The following ZFYVE9 variants were observed in gnomAD, a reference collection of about 807,000 sequenced individuals.
ZFYVE9 encodes zinc finger FYVE domain-containing protein 9.
A neutral mutation model predicts 126.7 loss-of-function variants in ZFYVE9; 43 were observed. That is an observed-to-expected ratio of 0.34 (90% CI 0.27 to 0.44). The LOEUF is 0.44. ZFYVE9 is among the 20% of genes least tolerant of loss of function. The pLI is 1.00. For synonymous variants in ZFYVE9, 521 were observed against 597.4 expected, an observed-to-expected ratio of 0.87 and a Z score of 1.87; for missense variants, 1,476 against 1,697.0, an observed-to-expected ratio of 0.87 and a Z score of 2.29.
intron 1 of ZFYVE9, among the ~76,000 whole-genome samples, chr1:52,168,959 A>G (rs1432928479): frequency 2.6e-5 from 4 of 151,930 alleles, no homozygotes; most frequent in Non-Finnish European, 4.4e-5. Context: ...CTTTCCTATC[A>G]TCTGCTACTC....
intron 2 of ZFYVE9, among the ~76,000 whole-genome samples, chr1:52,230,407 A>G (rs1255898172): frequency 6.6e-6 from 1 of 151,900 alleles, no homozygotes. Context: ...AACACACACC[A>G]GGGCCTGTTG....
rs1645294967 is a variant in ZFYVE9 at position 52,238,213 on chromosome 1, G to T, written c.796G>T (p.Val266Phe). 2 of 1,613,974 alleles carry T rather than the reference G, an allele frequency of 1.2e-6. No homozygotes were observed. Among genetic ancestry groups the T allele is most frequent in the Admixed American group, 1.7e-5 (1 of 60,002 alleles). Residue 266 changes from valine to phenylalanine, a missense_variant, in exon 4 of 19, where the codon GTT becomes TTT. Physicochemically the swap from Val to Phe is conservative, Grantham distance 50. Coordinates refer to ENST00000287727, the MANE Select transcript of ZFYVE9 (RefSeq NM_004799.4). ...CATGTCTGCGATTACAAGTTTAACG[G>T]TTGATTCAGTAATCTCATCCCAGGG... ...PSMSAITSLT[V>F]DSVISSQGTD...
At chr1:52,203,194 T>G (rs1413408699) in intron 1 of ZFYVE9, among the ~76,000 whole-genome samples, 1 of 152,010 alleles carries the variant, frequency 6.6e-6, no homozygotes, top group Non-Finnish European at 1.5e-5. Context: ...TTTGTTTTGT[T>G]TTTTTAAGAC....
intron 2 of ZFYVE9, among the ~76,000 whole-genome samples, chr1:52,225,317 A>T (rs567176392): frequency 6.6e-6 from 1 of 152,328 alleles, no homozygotes; most frequent in East Asian, 1.9e-4. Context: ...CCCATGAAAG[A>T]TAATCACTAG....
chr1:52,163,126 TA>T, intron 1 of ZFYVE9: 2 of 220,136 alleles, frequency 9.1e-6, no homozygotes, highest in Non-Finnish European at 1.6e-5. Flanking sequence ...AAAATAGCCT[TA>T]AAAAAATTCA....
At chr1:52,205,067 ATTTTTTTTTTTT>A (rs891218048) in intron 1 of ZFYVE9, among the ~76,000 whole-genome samples, 5 of 117,788 alleles carry the variant, frequency 4.2e-5, no homozygotes, top group Non-Finnish European at 8.6e-5. Context: ...TGTGCTGTGA[ATTTTTTTTTTTT>A]TTTTTTTTTT....
At chr1:52,246,228 C>A (rs1199619654) in intron 4 of ZFYVE9, among the ~76,000 whole-genome samples, 2 of 152,100 alleles carry the variant, frequency 1.3e-5, no homozygotes, top group African/African-American at 4.8e-5. Flanking sequence ...CCATGCCTGG[C>A]CTTTATGCCG....
chr1:52,303,520 A>G (rs938672692), intron 12 of ZFYVE9, among the ~76,000 whole-genome samples: 3 of 152,228 alleles, frequency 2.0e-5, no homozygotes, highest in Admixed American at 6.5e-5. Context: ...GGGAGGAGAC[A>G]GATAGTTAAC....
chr1:52,190,913 T>A (rs575753156), intron 1 of ZFYVE9, among the ~76,000 whole-genome samples: 1 of 152,248 alleles, frequency 6.6e-6, no homozygotes, highest in African/African-American at 2.4e-5. Flanking sequence ...AATAGATAAA[T>A]ATCTATTATA....
chr1:52,309,755 A>G (rs1289713920), intron 13 of ZFYVE9, among the ~76,000 whole-genome samples: 1 of 152,152 alleles, frequency 6.6e-6, no homozygotes, highest in East Asian at 1.9e-4. Context: ...AAAGTGACTT[A>G]ATGAAAGCAG....
intron 1 of ZFYVE9, among the ~76,000 whole-genome samples, chr1:52,205,535 AT>A (rs71577261): frequency 2.4e-3 from 341 of 142,172 alleles, no homozygotes; most frequent in Middle Eastern, 3.6e-3. Context: ...GGCTAATTAA[AT>A]TTTTTTTTTT....
chr1:52,250,886 T>A (rs1258622033), intron 4 of ZFYVE9, among the ~76,000 whole-genome samples: 2 of 151,886 alleles, frequency 1.3e-5, no homozygotes, highest in Non-Finnish European at 2.9e-5. Context: ...AATTTTTTTT[T>A]ATTTTTAGTA....
intron 8 of ZFYVE9, among the ~76,000 whole-genome samples, chr1:52,278,023 G>A (rs909947566): frequency 6.6e-6 from 1 of 152,136 alleles, no homozygotes; most frequent in Non-Finnish European, 1.5e-5. Flanking sequence ...TGTCAAAAAT[G>A]TCAAACAGTA....
rs2147802502 is a variant in ZFYVE9 at position 52,268,466 on chromosome 1, C to T, written c.2459C>T (p.Ala820Val). ...TTTATTTTTCTGGCCCCTCAAGTGG[C>T]TCAGCCCAGAGAGCAGAGGCGAGTT... ...GVLKHPGAEV[A>V]QPREQRRVWF... Residue 820 changes from alanine (A) to valine (V), a missense_variant, in exon 7 of 19, where the codon GCT (alanine) becomes GTT (valine). By Grantham distance (64) the Ala-to-Val change is moderately conservative. Coordinates refer to ENST00000287727, the MANE Select transcript of ZFYVE9 (RefSeq NM_004799.4). The T allele has an allele frequency of 6.2e-7, 1 of 1,612,048 alleles. No individual in the cohort carries two copies.
chr1:52,215,006 A>G (rs1020229876), intron 1 of ZFYVE9, among the ~76,000 whole-genome samples: 7 of 152,244 alleles, frequency 4.6e-5, no homozygotes, highest in African/African-American at 1.7e-4. Context: ...CCTCACAGAC[A>G]TACCCAGAAA....
chr1:52,287,408 G>A (rs148571118), intron 10 of ZFYVE9, among the ~76,000 whole-genome samples: 29 of 152,160 alleles, frequency 1.9e-4, no homozygotes, highest in African/African-American at 6.7e-4. Context: ...CCACCATGCA[G>A]TCTAATCTTT....
intron 1 of ZFYVE9, chr1:52,179,960 G>C (rs116694082): frequency 9.4e-7 from 1 of 1,063,354 alleles, no homozygotes; most frequent in Middle Eastern, 3.0e-4. Context: ...TCCTCCAGCA[G>C]TCAGTCGTGA....
chr1:52,264,971 C>T lies in ZFYVE9; in HGVS notation c.2278+1099C>T, dbSNP rs551071452. ...ATTTTTATTCTGCTGCTTTCATTTT[C>T]GGGCACATATTCACAGATAAGAGCA... On this transcript the variant is annotated intron_variant, in intron 5 of 18. Transcript: ENST00000287727. Among the ~76,000 whole-genome samples, 9 of 152,278 alleles carry T rather than the reference C, an allele frequency of 5.9e-5. No homozygotes were observed. The South Asian group carries it at 1.2e-3, about 21-fold the overall frequency.
intron 17 of ZFYVE9, among the ~76,000 whole-genome samples, 172 bp downstream of exon 17, chr1:52,340,403 GT>G (rs1310112630): frequency 1.3e-5 from 2 of 152,226 alleles, no homozygotes; most frequent in Non-Finnish European, 2.9e-5. Context: ...AATGCTGCCA[GT>G]TGCAGCCTGC....
Sources: gnomAD v4.1 joint callset for allele counts (sites outside exome capture counted in the v4.1 genomes callset) on GRCh38, gnomAD v4.1.1 for gene constraint, MANE v1.5 for transcripts, NCBI Gene and HGNC (gene_info 2026-07-23, HGNC 2026-07-21) for gene names.